RSPH10B: variants seen among roughly 807,000 people sequenced by gnomAD.
The protein encoded by RSPH10B is radial spoke head 10 homolog B (Chlamydomonas).
In RSPH10B, 7 loss-of-function variants were observed where a neutral mutation model predicts 52.5. That is an observed-to-expected ratio of 0.13 (90% confidence interval 0.08 to 0.25). The LOEUF (loss-of-function observed/expected upper bound fraction) is 0.25, where lower values mean the gene tolerates loss of function less well. Among genes scored for constraint, RSPH10B ranks in the 10% least tolerant of loss-of-function variants. The pLI is 1.00. For missense variants in RSPH10B, 89 were observed against 542.5 expected, an observed-to-expected ratio of 0.16 and a Z score of 8.30; for synonymous variants, 28 against 193.2, an observed-to-expected ratio of 0.14 and a Z score of 7.09.
intron 3 of RSPH10B, among the ~76,000 whole-genome samples, chr7:5,963,902 CAAAAAAA>C (rs529339716): frequency 3.6e-5 from 3 of 83,194 alleles, no homozygotes; most frequent in Admixed American, 1.3e-4. Context: ...CCTGTCTCTA[CAAAAAAA>C]AAAAAAAAAA....
chr7:5,942,389 G>C (rs1442296204), intron 13 of RSPH10B, among the ~76,000 whole-genome samples: 1 of 131,356 alleles, frequency 7.6e-6, no homozygotes, highest in Non-Finnish European at 1.7e-5. Flanking sequence ...ACCACGCCCG[G>C]CTATGATTTT....
intron 13 of RSPH10B, among the ~76,000 whole-genome samples, chr7:5,940,886 G>A (rs1283226856): frequency 1.5e-5 from 1 of 65,348 alleles, no homozygotes; most frequent in Non-Finnish European, 3.3e-5. Context: ...AGATCAGGTC[G>A]CTGCACTCCA....
intron 10 of RSPH10B, among the ~76,000 whole-genome samples, chr7:5,947,719 AAAAAC>A (rs1211393357): frequency 2.3e-4 from 19 of 80,970 alleles, no homozygotes; most frequent in Admixed American, 2.0e-3. Context: ...CTGTCTCAAA[AAAAAC>A]AAAACAAAAC....
chr7:5,927,151 G>A (rs991263872), intron 18 of RSPH10B, among the ~76,000 whole-genome samples: 2 of 141,670 alleles, frequency 1.4e-5, no homozygotes, highest in African/African-American at 5.3e-5. Context: ...GAGTGCAGTG[G>A]CACAAACAAA....
At chr7:5,927,628 A>T (rs1779570146) in intron 18 of RSPH10B, among the ~76,000 whole-genome samples, 1 of 143,756 alleles carries the variant, frequency 7.0e-6, no homozygotes, top group African/African-American at 2.7e-5. Context: ...ACAGGTTTTG[A>T]ACTCTTGGGT....
chr7:5,943,048 T>C (rs1165132864), intron 13 of RSPH10B, among the ~76,000 whole-genome samples: 6 of 150,010 alleles, frequency 4.0e-5, no homozygotes, highest in African/African-American at 1.5e-4. Context: ...TTGCAATATA[T>C]ATATATATGC....
At chr7:5,931,324 C>T (rs187902700) in intron 17 of RSPH10B, among the ~76,000 whole-genome samples, 2 of 151,206 alleles carry the variant, frequency 1.3e-5, no homozygotes, top group East Asian at 3.9e-4. Context: ...ACGACAGGCA[C>T]TGTAGAGGGG....
exon 18 of RSPH10B, chr7:5,928,372 A>T (rs1244520831): frequency 6.2e-7 from 1 of 1,613,106 alleles, no homozygotes; most frequent in Non-Finnish European, 8.5e-7. Flanking sequence ...CCTCTCGATC[A>T]TCCTTGGGTC....
intron 17 of RSPH10B, among the ~76,000 whole-genome samples, chr7:5,929,459 C>T (rs1779699496): frequency 1.0e-5 from 1 of 96,438 alleles, no homozygotes; most frequent in South Asian, 4.3e-4. Context: ...TGAGCCTCTG[C>T]ACCCGGCCTA....
At chr7:5,931,430 C>A (rs2128622224) in intron 17 of RSPH10B, among the ~76,000 whole-genome samples, 1 of 151,570 alleles carries the variant, frequency 6.6e-6, no homozygotes, top group African/African-American at 2.4e-5. Context: ...GAGACACCGT[C>A]AGAAAAGGGG....
At chr7:5,927,037 G>A (rs1779477511) in intron 18 of RSPH10B, among the ~76,000 whole-genome samples, 1 of 46,910 alleles carries the variant, frequency 2.1e-5, no homozygotes. Context: ...GTGTGTGTGT[G>A]TGTGTGTGTA....
At chr7:5,958,878 G>C (rs139591741) in intron 5 of RSPH10B, 115 bp downstream of exon 7, 185,860 of 1,332,284 alleles carry the variant, frequency 0.14, 7,476 homozygotes, top group South Asian at 0.19. Context: ...TCTGCTTAGA[G>C]AGAAAATGTT....
At chr7:5,941,274 C>T (rs1205962950) in intron 13 of RSPH10B, among the ~76,000 whole-genome samples, 2 of 143,092 alleles carry the variant, frequency 1.4e-5, no homozygotes, top group Non-Finnish European at 3.1e-5. Flanking sequence ...TGTACTCCAG[C>T]CTGGGTGACA....
Position 5,931,690 on chromosome 7 carries a change from C to T in RSPH10B, c.2233+1092G>A, listed in dbSNP as rs752760962. On this transcript the variant is annotated intron_variant, in intron 17 of 18. Coordinates refer to ENST00000337579, the Ensembl canonical transcript of RSPH10B. ...CCAGCCTGGGCAACAGAGCAAGAAC[C>T]CACCTCTTAAAAAAAAAAAAAAAAA... Among the ~76,000 whole-genome samples the T allele has an allele frequency of 1.2e-3, 158 of 137,008 alleles. 3 individuals are homozygous for T. The highest frequency in any genetic ancestry group is 1.9e-3 in the Admixed American group (24 of 12,706). The allele number at this position is 137,008 out of a possible 152,430, so 89.9% of individuals were successfully genotyped here. A position where few individuals can be genotyped will look rare whatever the true frequency, so the allele number is the denominator to read the frequency against.
rs1331740315 is a variant in RSPH10B at position 5,933,411 on chromosome 7, C to A, written c.2140-536G>T. On this transcript the variant is annotated intron_variant, in intron 16 of 18. Coordinates refer to ENST00000337579, the Ensembl canonical transcript of RSPH10B. ...TTACTGAAAGCCTCTCAAAAAAAAA[C>A]CCCAAAACTTGAAAATGTCACCTGG... Among the ~76,000 whole-genome samples the A allele has an allele frequency of 1.5e-4, 17 of 115,730 alleles. 4 individuals are homozygous for A. Among genetic ancestry groups the A allele is most frequent in the Admixed American group, 3.6e-4 (4 of 10,982 alleles). The allele number at this position is 115,730 out of a possible 152,430, so 75.9% of individuals were successfully genotyped here. A position where few individuals can be genotyped will look rare whatever the true frequency, so the allele number is the denominator to read the frequency against.
rs751407805 is a variant in RSPH10B, at chr7:5,937,846, G to GT, written c.1921dup (p.Thr641AsnfsTer2). The GT allele has an allele frequency of 5.8e-6, 4 of 693,670 alleles. No homozygotes were observed. Among genetic ancestry groups the GT allele is most frequent in the Non-Finnish European group, 1.0e-5 (4 of 387,082 alleles). 43.0% of individuals were successfully genotyped at this position (693,670 alleles called of 1,614,324 possible). A position where few individuals can be genotyped will look rare whatever the true frequency, so the allele number is the denominator to read the frequency against. Reference sequence around the variant, plus strand: ...TGTATAGGATTTAGTCATTTGGTCAGTAACACAGATGAATGCAAAGCTTAA... The same window carrying GT: ...TGTATAGGATTTAGTCATTTGGTCAGTTAACACAGATGAATGCAAAGCTTAA... On this transcript the variant is annotated frameshift_variant, in exon 15 of 19. Coordinates refer to ENST00000337579, the Ensembl canonical transcript of RSPH10B. LOFTEE classifies it high-confidence loss of function.
At chr7:5,961,425 T>C (rs1285763526) in intron 3 of RSPH10B, among the ~76,000 whole-genome samples, 2 of 135,882 alleles carry the variant, frequency 1.5e-5, no homozygotes, top group Non-Finnish European at 3.3e-5. Flanking sequence ...CTGCAACCTC[T>C]GCCTCCCAGG....
chr7:5,960,075 AC>A (rs1419517254), intron 4 of RSPH10B, among the ~76,000 whole-genome samples: 1 of 20,162 alleles, frequency 5.0e-5, no homozygotes, highest in Admixed American at 4.2e-4. Context: ...ACACACACAC[AC>A]ACAACAACAA....
In RSPH10B at chr7:5,943,648, A is replaced by C. The variant is rs1290312095; in HGVS notation, c.1610-176T>G. On this transcript the variant is annotated intron_variant, in intron 12 of 18. Coordinates refer to ENST00000337579, the Ensembl canonical transcript of RSPH10B. Reference sequence around the variant, plus strand: ...AACCTCCGCCCCCCAGGCTCAAGCGATTCTCCTGCCTCAGCCTCCCGAGTA... The same window carrying C: ...AACCTCCGCCCCCCAGGCTCAAGCGCTTCTCCTGCCTCAGCCTCCCGAGTA... Among the ~76,000 whole-genome samples the C allele has an allele frequency of 6.1e-5, 9 of 148,174 alleles. No individual in the cohort carries two copies. In the Admixed American group the frequency reaches 6.1e-4, roughly 10 times the overall value.
Sources: gnomAD v4.1 joint callset for allele counts (sites outside exome capture counted in the v4.1 genomes callset) on GRCh38, gnomAD v4.1.1 for gene constraint, MANE v1.5 for transcripts, NCBI Gene and HGNC (gene_info 2026-07-23, HGNC 2026-07-21) for gene names.